Variants in GSDME observed in about 807,000 individuals in gnomAD.
GSDME encodes the protein gasdermin-E.
In GSDME, 44 loss-of-function variants were observed where a neutral mutation model predicts 47.5. The ratio of observed to expected loss-of-function variants is 0.93; its 90% confidence interval spans 0.73 to 1.19. The LOEUF (loss-of-function observed/expected upper bound fraction) is 1.19, where lower values mean the gene tolerates loss of function less well. Ranked by LOEUF, GSDME falls within the 50% of genes most tolerant of loss-of-function variation. The probability of loss-of-function intolerance (pLI) is 0.00; values close to 1 mark genes in which losing one functional copy is unlikely to be tolerated. For synonymous variants in GSDME, 258 were observed against 252.8 expected, an observed-to-expected ratio of 1.02 and a Z score of -0.20; for missense variants, 663 against 604.2, an observed-to-expected ratio of 1.10 and a Z score of -1.02.
chr7:24,736,395 T>C lies in GSDME; in HGVS notation c.404+8167A>G, dbSNP rs1358661956. ...CTATATTTATGTCAGACAAAATCGA[T>C]TTCAAGACAAAAACTATAAGAAGAG... is the stretch of plus-strand genomic sequence containing the variant. On this transcript the variant is annotated intron_variant, in intron 3 of 9. Transcript: ENST00000645220. The surrounding 1 kb of genome is among the most constrained non-coding windows in gnomAD (Gnocchi z 4.6). Among the ~76,000 whole-genome samples the C allele has an allele frequency of 6.6e-6, 1 of 152,088 alleles. No homozygotes were observed. Among genetic ancestry groups the C allele is most frequent in the Non-Finnish European group, 1.5e-5 (1 of 68,004 alleles).
chr7:24,702,872 C>A (rs756371714), intron 8 of GSDME, 39 bp from the exon 9 acceptor site: 2 of 1,582,638 alleles, frequency 1.3e-6, no homozygotes, highest in Non-Finnish European at 1.7e-6. Flanking sequence ...TCCAAAAAAA[C>A]AAGTCCATGG....
the GSDME span, among the ~76,000 whole-genome samples, chr7:24,790,319 T>A: frequency 5.9e-5 from 9 of 152,350 alleles, no homozygotes; most frequent in South Asian, 1.9e-3. This position sits in a 1 kb window ranked among gnomAD's most constrained non-coding sequence, Gnocchi z 4.1. Flanking sequence ...CATATCCCCA[T>A]GAGCCATCTT....
intron 3 of GSDME, among the ~76,000 whole-genome samples, chr7:24,738,808 G>T (rs2128060885): frequency 6.6e-6 from 1 of 152,242 alleles, no homozygotes; most frequent in Middle Eastern, 3.4e-3. Flanking sequence ...GAATGGGATG[G>T]AGAATCCGGA....
chr7:24,767,369 A>T, the GSDME span, among the ~76,000 whole-genome samples: 2 of 152,214 alleles, frequency 1.3e-5, no homozygotes, highest in Non-Finnish European at 2.9e-5. This position sits in a 1 kb window ranked among gnomAD's most constrained non-coding sequence, Gnocchi z 5.3. Context: ...ATATAAGGGT[A>T]TATAAGAATA....
chr7:24,785,297 G>A, the GSDME span, among the ~76,000 whole-genome samples: 2 of 152,174 alleles, frequency 1.3e-5, no homozygotes, highest in Non-Finnish European at 2.9e-5. Context: ...ATATAGCACT[G>A]TACCTTGAGT....
At position 24,748,146 on chromosome 7, in the gene GSDME, A is replaced by G. The variant is rs988718859; in HGVS notation, c.211+1418T>C. On this transcript the variant is annotated intron_variant, in intron 2 of 9. Transcript: ENST00000645220. ...GGAGTGTATAAAAATTATATAGAGTATATATATATATATATATATATATTT... is the reference window on the plus strand; with the variant it reads ...GGAGTGTATAAAAATTATATAGAGTGTATATATATATATATATATATATTT... Among the ~76,000 whole-genome samples, 25 of 136,204 alleles carry G rather than the reference A, an allele frequency of 1.8e-4. No homozygotes were observed. In the East Asian group the frequency reaches 3.0e-3, roughly 17 times the overall value. 89.4% of individuals were successfully genotyped at this position (136,204 alleles called of 152,430 possible). A position where few individuals can be genotyped will look rare whatever the true frequency, so the allele number is the denominator to read the frequency against.
At chr7:24,711,135 A>C (rs945126451) in intron 5 of GSDME, among the ~76,000 whole-genome samples, 1 of 152,240 alleles carries the variant, frequency 6.6e-6, no homozygotes, top group Non-Finnish European at 1.5e-5. Flanking sequence ...TAGTCACTGA[A>C]GCTGGATGGT....
intron 2 of GSDME, among the ~76,000 whole-genome samples, chr7:24,748,947 G>C (rs921529647): frequency 9.2e-5 from 14 of 152,068 alleles, no homozygotes; most frequent in African/African-American, 3.4e-4. Flanking sequence ...TGGGTATGTG[G>C]CATCATCAGT....
intron 3 of GSDME, among the ~76,000 whole-genome samples, chr7:24,720,119 T>C (rs940893507): frequency 6.6e-6 from 1 of 152,268 alleles, no homozygotes; most frequent in Non-Finnish European, 1.5e-5. Flanking sequence ...AGGCTGGTTA[T>C]GCATGGCCTA....
Position 24,705,766 on chromosome 7 carries a change from G to T in GSDME, c.1183+418C>A. 1 of 330,208 alleles carries T rather than the reference G, an allele frequency of 3.0e-6. No homozygotes were observed. The highest frequency in any genetic ancestry group is 5.9e-6 in the Non-Finnish European group (1 of 169,586). The allele number at this position is 330,208 out of a possible 1,614,324, so 20.5% of individuals were successfully genotyped here. On this transcript the variant is annotated intron_variant, in intron 8 of 9. Coordinates refer to ENST00000645220, the MANE Select transcript of GSDME (RefSeq NM_001127453.2). This position sits in a 1 kb window ranked among gnomAD's most constrained non-coding sequence, Gnocchi z 4.1. ...CTTGCCCCAGACAGGAGCACGCAGG[G>T]TGGGGAATAACAAGTTTGCAAAGAT...
At chr7:24,768,787 A>C in the GSDME span, among the ~76,000 whole-genome samples, 2 of 152,242 alleles carry the variant, frequency 1.3e-5, no homozygotes, top group African/African-American at 4.8e-5. The surrounding 1 kb of genome is among the most constrained non-coding windows in gnomAD (Gnocchi z 5.6). Context: ...GGCTTTCATC[A>C]GCAGTTCCAG....
chr7:24,752,893 C>T (rs1790900423), intron 1 of GSDME, among the ~76,000 whole-genome samples: 1 of 152,168 alleles, frequency 6.6e-6, no homozygotes. Context: ...CAAAATAAAA[C>T]CCATCTGCTG....
At chr7:24,710,181 G>C in intron 6 of GSDME, 43 bp downstream of exon 6, 1 of 1,603,896 alleles carries the variant, frequency 6.2e-7, no homozygotes, top group Non-Finnish European at 8.5e-7. Context: ...ACAGGGCTCA[G>C]TTGGCCCTCA....
chr7:24,702,662 G>T (rs1231214910), intron 9 of GSDME, 98 bp downstream of exon 9: 8 of 944,460 alleles, frequency 8.5e-6, no homozygotes, highest in African/African-American at 1.6e-5. Context: ...AGCTGTTGTG[G>T]TAAGTCCTAG....
At chr7:24,767,549 C>T in the GSDME span, among the ~76,000 whole-genome samples, 1 of 151,342 alleles carries the variant, frequency 6.6e-6, no homozygotes, top group African/African-American at 2.4e-5. This position sits in a 1 kb window ranked among gnomAD's most constrained non-coding sequence, Gnocchi z 5.3. Flanking sequence ...GTCTGTTTTT[C>T]TAAAAAAGTG....
intron 8 of GSDME, chr7:24,703,519 C>T (rs1788965763): frequency 6.4e-6 from 1 of 156,228 alleles, no homozygotes; most frequent in African/African-American, 2.4e-5. Flanking sequence ...AGATACAGTT[C>T]TTAAAAGGAC....
the GSDME span, among the ~76,000 whole-genome samples, chr7:24,790,188 G>A: frequency 1.3e-5 from 2 of 152,236 alleles, no homozygotes; most frequent in African/African-American, 4.8e-5. The surrounding 1 kb of genome is among the most constrained non-coding windows in gnomAD (Gnocchi z 4.1). Flanking sequence ...TTGATAGATA[G>A]CATTTCTCAT....
the GSDME span, among the ~76,000 whole-genome samples, chr7:24,775,744 G>A: frequency 3.3e-5 from 5 of 151,576 alleles, no homozygotes; most frequent in Admixed American, 6.6e-5. Context: ...GCGTGGTGGC[G>A]GGCACTTGTA....
chr7:24,702,769 C>T lies in GSDME; in HGVS notation c.1248G>A (p.Leu416=), dbSNP rs551546553. Residue 416 remains leucine, a synonymous_variant, in exon 9 of 10, where the codon CTG becomes CTA. Coordinates refer to ENST00000645220, the MANE Select transcript of GSDME (RefSeq NM_001127453.2). ...TCCKLQIIPT[L]CHLLRALSDD... is the part of the protein sequence containing the mutation. The stretch of plus-strand genomic sequence containing the variant: ...CTGGGAGGTTGCTTACCAAGTGGCA[C>T]AGTGTGGGAATGATCTGGAGTTTGC... 7 of 1,613,342 alleles carry T rather than the reference C, an allele frequency of 4.3e-6. No individual in the cohort carries two copies. The African/African-American group carries it at 9.3e-5, about 22-fold the overall frequency.
Sources: allele counts gnomAD v4.1 joint callset (sites outside exome capture counted in the v4.1 genomes callset), GRCh38; gene constraint gnomAD v4.1.1; non-coding constraint Gnocchi (gnomAD v3.1); transcripts MANE v1.5; gene names NCBI Gene and HGNC (gene_info 2026-07-23, HGNC 2026-07-21).